Variants in ODAD4 observed in about 807,000 individuals in gnomAD.
ODAD4 encodes outer dynein arm-docking complex subunit 4.
In ODAD4, 49 loss-of-function variants were observed where a neutral mutation model predicts 51.8. That is an observed-to-expected ratio of 0.95 (90% CI 0.75 to 1.20). The LOEUF is 1.20. Among genes scored for constraint, ODAD4 ranks in the 50% most tolerant of loss-of-function variants. The probability of loss-of-function intolerance (pLI) is 0.00; values close to 1 mark genes in which losing one functional copy is unlikely to be tolerated. For missense variants in ODAD4, 590 were observed against 586.5 expected (o/e 1.01, Z -0.06); for synonymous variants, 235 against 221.3 (o/e 1.06, Z -0.55).
At chr17:41,934,511 C>G (rs2050397510) in intron 1 of ODAD4, among the ~76,000 whole-genome samples, 1 of 151,558 alleles carries the variant, frequency 6.6e-6, no homozygotes, top group East Asian at 1.9e-4. Context: ...ACCACCACGC[C>G]CAGCTAATTT....
At position 41,935,199 on chromosome 17, in the gene ODAD4, G is replaced by T; in HGVS notation, c.115-18G>T. On this transcript the variant is annotated intron_variant, in intron 1 of 11. Coordinates refer to ENST00000377540, the MANE Select transcript of ODAD4 (RefSeq NM_031421.5). ...TGCTCTTCATGCTGGCTGTCAACCT[G>T]ACTGGTTTCTTTGTCAGGCTCTTTA... The T allele has an allele frequency of 1.2e-6, 2 of 1,613,660 alleles. No homozygotes were observed. Among genetic ancestry groups the T allele is most frequent in the South Asian group, 1.1e-5 (1 of 91,032 alleles).
Position 41,930,721 on chromosome 17 carries a change from A to C in ODAD4, c.-3A>C, listed in dbSNP as rs781870176. The C allele has an allele frequency of 8.8e-6, 14 of 1,596,128 alleles. No individual in the cohort carries two copies. The African/African-American group carries it at 1.1e-4, about 12-fold the overall frequency. On this transcript the variant is annotated 5_prime_UTR_variant, in exon 1 of 12. Coordinates refer to ENST00000377540, the MANE Select transcript of ODAD4 (RefSeq NM_031421.5). ...TGCTTTAGCGTCTCTAAATCCGGTC[A>C]CCATGTCGGACCCCGAAGGCGAGAC...
intron 1 of ODAD4, among the ~76,000 whole-genome samples, chr17:41,932,935 C>A (rs782011403): frequency 6.6e-5 from 10 of 152,056 alleles, no homozygotes; most frequent in Non-Finnish European, 1.2e-4. Context: ...CCCACTTCTT[C>A]TTCTAGATGG....
chr17:41,964,475 C>T (rs1484468521), intron 11 of ODAD4, among the ~76,000 whole-genome samples: 3 of 152,198 alleles, frequency 2.0e-5, no homozygotes, highest in African/African-American at 7.2e-5. Flanking sequence ...ACGTGATGCA[C>T]AGGACGGAGC....
chr17:41,954,576 G>C (rs367860834), intron 9 of ODAD4, among the ~76,000 whole-genome samples: 2 of 151,938 alleles, frequency 1.3e-5, no homozygotes, highest in South Asian at 4.2e-4. Context: ...ATTTCTGGCC[G>C]AGCGGTGGCT....
chr17:41,946,356 C>T (rs1555639547), intron 8 of ODAD4, among the ~76,000 whole-genome samples: 1 of 152,176 alleles, frequency 6.6e-6, no homozygotes, highest in African/African-American at 2.4e-5. Flanking sequence ...GACGGAGTCT[C>T]ACTCTGTCAC....
intron 8 of ODAD4, 101 bp downstream of exon 8, chr17:41,945,323 A>G: frequency 1.3e-6 from 1 of 790,956 alleles, no homozygotes; most frequent in Non-Finnish European, 2.0e-6. Flanking sequence ...CCTGGGCAAC[A>G]TAGGAAGACT....
In ODAD4 at chr17:41,930,796, C is replaced by G. The variant is rs1555636648; in HGVS notation, c.73C>G (p.Leu25Val). 5.6e-6 allele frequency: 9 copies of G among 1,599,312 alleles called. No individual in the cohort carries two copies. Among genetic ancestry groups the G allele is most frequent in the Non-Finnish European group, 7.7e-6 (9 of 1,171,998 alleles). The change falls in exon 1 of 12, where the codon CTG becomes GTG. Residue 25 changes from leucine (L) to valine (V), a missense_variant. By Grantham distance (32) the Leu-to-Val change is conservative. This residue lies in a region of ODAD4 where 360 missense variants were observed against 407.5 expected (regional missense o/e 0.88). Coordinates refer to ENST00000377540, the MANE Select transcript of ODAD4 (RefSeq NM_031421.5). ...SYMAEGERLYLCGEFSKAAQS... is the reference protein window; with the variant it reads ...SYMAEGERLYVCGEFSKAAQS... The stretch of plus-strand genomic sequence containing the variant: ...TATGGCCGAAGGCGAGCGGCTCTAC[C>G]TGTGCGGGGAATTTTCTAAAGCCGC...
intron 7 of ODAD4, among the ~76,000 whole-genome samples, chr17:41,942,911 G>A (rs2050526227): frequency 6.6e-6 from 1 of 152,078 alleles, no homozygotes; most frequent in African/African-American, 2.4e-5. Context: ...TGCCCAGGCT[G>A]GAGTGTAGTG....
intron 10 of ODAD4, among the ~76,000 whole-genome samples, chr17:41,957,999 GCTC>G (rs782623159): frequency 1.3e-5 from 2 of 152,056 alleles, no homozygotes; most frequent in East Asian, 3.9e-4. Flanking sequence ...GCACTTGAGA[GCTC>G]CTGCACTCAA....
At chr17:41,931,219 A>G (rs1264439782) in intron 1 of ODAD4, among the ~76,000 whole-genome samples, 5 of 152,034 alleles carry the variant, frequency 3.3e-5, no homozygotes, top group African/African-American at 1.2e-4. Flanking sequence ...TTGATTGCAG[A>G]TAACACTGAG....
chr17:41,930,674 C>T lies in ODAD4; in HGVS notation c.-50C>T, dbSNP rs1555636557. 7 of 1,246,776 alleles carry T rather than the reference C, an allele frequency of 5.6e-6. 1 individual carries two copies. In the Middle Eastern group the frequency reaches 5.5e-4, roughly 99 times the overall value. The allele number at this position is 1,246,776 out of a possible 1,614,324, so 77.2% of individuals were successfully genotyped here. On this transcript the variant is annotated 5_prime_UTR_variant, in exon 1 of 12. Coordinates refer to ENST00000377540, the MANE Select transcript of ODAD4 (RefSeq NM_031421.5). ...CTTCCACAAACCAGATAGAGGTTCT[C>T]CAGCTTTTCTTTGATTGTCTCTGCT...
intron 8 of ODAD4, among the ~76,000 whole-genome samples, chr17:41,948,248 G>A (rs2050612241): frequency 6.6e-6 from 1 of 151,536 alleles, no homozygotes; most frequent in African/African-American, 2.4e-5. Flanking sequence ...TATTGATACT[G>A]TGTTTTTTCA....
At chr17:41,944,498 TA>T (rs1555639235) in intron 7 of ODAD4, among the ~76,000 whole-genome samples, 6 of 150,372 alleles carry the variant, frequency 4.0e-5, no homozygotes, top group South Asian at 2.1e-4. Flanking sequence ...ACATTTAGAT[TA>T]TTTTTTTTGG....
intron 10 of ODAD4, among the ~76,000 whole-genome samples, chr17:41,959,813 T>C (rs782327714): frequency 6.6e-6 from 1 of 152,154 alleles, no homozygotes; most frequent in Non-Finnish European, 1.5e-5. Context: ...GGCAGGTTCA[T>C]GGTGAGCTGT....
intron 7 of ODAD4, among the ~76,000 whole-genome samples, chr17:41,943,131 C>T (rs555455938): frequency 1.3e-5 from 2 of 152,292 alleles, no homozygotes; most frequent in African/African-American, 2.4e-5. Flanking sequence ...ACCCACTTCC[C>T]GTCACTTCCC....
chr17:41,954,336 A>G (rs1490917228), intron 9 of ODAD4, among the ~76,000 whole-genome samples: 2 of 152,048 alleles, frequency 1.3e-5, no homozygotes, highest in African/African-American at 2.4e-5. Flanking sequence ...TGAGGGCTCA[A>G]ATCAATCACT....
intron 1 of ODAD4, among the ~76,000 whole-genome samples, chr17:41,933,738 C>T (rs1044604463): frequency 3.3e-5 from 5 of 151,318 alleles, no homozygotes; most frequent in African/African-American, 7.3e-5. Flanking sequence ...TGCTTCAACC[C>T]GGGACTCGGA....
intron 8 of ODAD4, among the ~76,000 whole-genome samples, chr17:41,948,546 A>G (rs2050616501): frequency 3.3e-5 from 5 of 151,800 alleles, no homozygotes; most frequent in South Asian, 2.1e-4. Context: ...TCCTTGGCTC[A>G]AGCAATCCAC....
Sources: allele counts gnomAD v4.1 joint callset (sites outside exome capture counted in the v4.1 genomes callset), GRCh38; gene constraint gnomAD v4.1.1; regional missense constraint gnomAD v4.1.1; transcripts MANE v1.5; gene names NCBI Gene and HGNC (gene_info 2026-07-23, HGNC 2026-07-21).